Variants in KCNMA1 observed in about 807,000 individuals in gnomAD.
The protein encoded by KCNMA1 is Calcium-activated potassium channel subunit alpha-1.
KCNMA1 carries 29 observed loss-of-function variants against 140.0 expected under a neutral mutation model. That is an observed-to-expected ratio of 0.21 (90% confidence interval 0.15 to 0.28). KCNMA1 has a LOEUF of 0.28. Ranked by LOEUF, KCNMA1 falls within the 10% of genes least tolerant of loss-of-function variation. KCNMA1 has a pLI of 1.00. For missense variants in KCNMA1, 880 were observed against 1,602.2 expected (o/e 0.55, Z 7.70); for synonymous variants, 612 against 611.9 (o/e 1.00, Z 0.00).
chr10:77,193,166 C>T, intron 3 of KCNMA1, among the ~76,000 whole-genome samples: 1 of 152,012 alleles, frequency 6.6e-6, no homozygotes, highest in Admixed American at 6.6e-5. Flanking sequence ...AAGTTTTCTT[C>T]TCTAAGAGCA....
chr10:77,043,915 G>A (rs2094886146), intron 14 of KCNMA1, among the ~76,000 whole-genome samples: 1 of 152,108 alleles, frequency 6.6e-6, no homozygotes, highest in South Asian at 2.1e-4. Flanking sequence ...GGAAGTGGAT[G>A]GTAGTGATGG....
intron 2 of KCNMA1, among the ~76,000 whole-genome samples, chr10:77,403,504 G>T (rs1010389724): frequency 6.6e-6 from 1 of 152,086 alleles, no homozygotes; most frequent in East Asian, 1.9e-4. Flanking sequence ...CAGGATCCCC[G>T]CATTTGTAGC....
At chr10:77,101,093 C>A (rs943174826) in intron 9 of KCNMA1, among the ~76,000 whole-genome samples, 1 of 152,084 alleles carries the variant, frequency 6.6e-6, no homozygotes, top group East Asian at 1.9e-4. Flanking sequence ...TTAAATAGAG[C>A]TTCAAGTTTG....
At chr10:77,258,950 G>T (rs946162215) in intron 2 of KCNMA1, among the ~76,000 whole-genome samples, 1 of 149,536 alleles carries the variant, frequency 6.7e-6, no homozygotes, top group Admixed American at 6.7e-5. Flanking sequence ...GCAACAGAGC[G>T]AGACTCTGTC....
intron 17 of KCNMA1, chr10:77,012,378 G>A: frequency 6.6e-7 from 1 of 1,515,142 alleles, no homozygotes; most frequent in Non-Finnish European, 8.8e-7. Context: ...GGACATGTGG[G>A]CAATGAGCCC....
intron 2 of KCNMA1, among the ~76,000 whole-genome samples, chr10:77,295,766 C>T (rs183364089): frequency 0.085 from 9,263 of 109,056 alleles, 435 homozygotes; most frequent in Middle Eastern, 0.19. Flanking sequence ...CCGGCCTGGG[C>T]GACAGAGCGA....
chr10:77,561,950 T>C (rs1029873179), intron 1 of KCNMA1, among the ~76,000 whole-genome samples: 2 of 152,176 alleles, frequency 1.3e-5, no homozygotes, highest in African/African-American at 2.4e-5. Context: ...TGGAAAGAAC[T>C]CTTGAGCCAT....
intron 19 of KCNMA1, among the ~76,000 whole-genome samples, chr10:76,994,977 G>A (rs569018679): frequency 1.1e-4 from 17 of 152,310 alleles, no homozygotes; most frequent in African/African-American, 3.8e-4. Context: ...ATGCAGTGAA[G>A]CCTGTGCCAC....
chr10:77,097,362 C>T (rs1401474258), intron 9 of KCNMA1, among the ~76,000 whole-genome samples: 1 of 152,206 alleles, frequency 6.6e-6, no homozygotes, highest in Non-Finnish European at 1.5e-5. Context: ...TGAAGCCTAA[C>T]TCCAGGCTGT....
At chr10:77,196,124 T>A (rs182568441) in intron 3 of KCNMA1, among the ~76,000 whole-genome samples, 1 of 152,260 alleles carries the variant, frequency 6.6e-6, no homozygotes, top group Non-Finnish European at 1.5e-5. Context: ...ATCTTTGAAC[T>A]TCTCTAGAGA....
At chr10:77,438,170 C>T (rs1001120669) in intron 1 of KCNMA1, among the ~76,000 whole-genome samples, 7 of 152,074 alleles carry the variant, frequency 4.6e-5, no homozygotes, top group African/African-American at 1.4e-4. Flanking sequence ...GTGATCCTCC[C>T]GCCTCAGCCT....
intron 3 of KCNMA1, among the ~76,000 whole-genome samples, chr10:77,218,282 C>G (rs2048438891): frequency 6.6e-6 from 1 of 152,192 alleles, no homozygotes; most frequent in South Asian, 2.1e-4. Flanking sequence ...GCCACCCATA[C>G]AGGCCATTTA....
chr10:77,216,168 T>C (rs918863813), intron 3 of KCNMA1, among the ~76,000 whole-genome samples: 1 of 152,148 alleles, frequency 6.6e-6, no homozygotes, highest in Non-Finnish European at 1.5e-5. Flanking sequence ...AGTAGTTGCC[T>C]AGGGCTGAGA....
chr10:76,930,935 A>G (rs2152690530), intron 23 of KCNMA1, among the ~76,000 whole-genome samples: 1 of 152,312 alleles, frequency 6.6e-6, no homozygotes, highest in South Asian at 2.1e-4. Context: ...GAATCTAAAA[A>G]GTTGAACTCA....
At chr10:76,964,983 G>A (rs1264434777) in intron 20 of KCNMA1, among the ~76,000 whole-genome samples, 3 of 152,146 alleles carry the variant, frequency 2.0e-5, no homozygotes, top group African/African-American at 4.8e-5. Flanking sequence ...TGCTATCTGT[G>A]TAAACTGTCC....
chr10:77,345,923 G>A (rs189178655), intron 2 of KCNMA1, among the ~76,000 whole-genome samples: 41 of 152,244 alleles, frequency 2.7e-4, no homozygotes, highest in African/African-American at 7.2e-4. Flanking sequence ...TCACTTTTGC[G>A]ACTGCCAGAT....
At position 77,252,815 on chromosome 10, in the gene KCNMA1, A is replaced by C. The variant is rs564383025; in HGVS notation, c.541-1559T>G. The stretch of plus-strand genomic sequence containing the variant: ...AATATGCAGTTTCATAGCAACTGAT[A>C]AAATCTCCATATAAAGGGAGGTGCT... On this transcript the variant is annotated intron_variant, in intron 2 of 27. Coordinates refer to ENST00000286628, the MANE Select transcript of KCNMA1 (RefSeq NM_001161352.2). Among the ~76,000 whole-genome samples, 41 of 152,250 alleles carry C rather than the reference A, an allele frequency of 2.7e-4. No individual in the cohort carries two copies. In the South Asian group the frequency reaches 8.3e-3, roughly 31 times the overall value.
At chr10:76,929,066 T>TA (rs1230865026) in intron 23 of KCNMA1, among the ~76,000 whole-genome samples, 1 of 151,936 alleles carries the variant, frequency 6.6e-6, no homozygotes, top group African/African-American at 2.4e-5. Context: ...GAGTTTTTTT[T>TA]AAAAAAGTTT....
At chr10:77,187,864 C>T (rs528026135) in intron 3 of KCNMA1, among the ~76,000 whole-genome samples, 9 of 152,222 alleles carry the variant, frequency 5.9e-5, no homozygotes, top group South Asian at 4.1e-4. Context: ...TTTACGGACT[C>T]GCACAATCAG....
Sources: gnomAD v4.1 joint callset for allele counts (sites outside exome capture counted in the v4.1 genomes callset) on GRCh38, gnomAD v4.1.1 for gene constraint, MANE v1.5 for transcripts, NCBI Gene and HGNC (gene_info 2026-07-23, HGNC 2026-07-21) for gene names.